GPRC6A: variants seen among roughly 807,000 people sequenced by gnomAD.
The protein encoded by GPRC6A is G protein-coupled receptor family C group 6 member A.
In GPRC6A, 54 loss-of-function variants were observed where a neutral mutation model predicts 47.0. That is an observed-to-expected ratio of 1.15 (90% CI 0.92 to 1.44). GPRC6A has a LOEUF of 1.44. GPRC6A is among the 40% of genes most tolerant of loss of function. The probability of loss-of-function intolerance (pLI) is 0.00; values close to 1 mark genes in which losing one functional copy is unlikely to be tolerated. For missense variants in GPRC6A, 1,112 were observed against 1,105.5 expected (o/e 1.01, Z -0.08); for synonymous variants, 347 against 377.1 (o/e 0.92, Z 0.93).
intron 5 of GPRC6A, among the ~76,000 whole-genome samples, chr6:116,793,778 C>G (rs1772393132): frequency 6.6e-6 from 1 of 152,148 alleles, no homozygotes; most frequent in Non-Finnish European, 1.5e-5. Flanking sequence ...TTCACACAGA[C>G]CATTACACAT....
At chr6:116,820,194 T>G (rs998078034) in intron 1 of GPRC6A, among the ~76,000 whole-genome samples, 11 of 151,910 alleles carry the variant, frequency 7.2e-5, no homozygotes, top group East Asian at 1.9e-4. Context: ...AATAACAGGA[T>G]CTGAAATTGT....
Position 116,800,759 on chromosome 6 carries a change from C to T in GPRC6A, c.1373G>A (p.Gly458Glu). Residue 458 changes from glycine (G) to glutamate (E), a missense_variant, in exon 4 of 6, where the codon GGA (glycine) becomes GAA (glutamate). Gly to Glu is a moderately conservative substitution (Grantham distance 98). Transcript: ENST00000310357. ...GVLKNVTFTDGWNSFHFDAHG... is the reference protein window; with the variant it reads ...GVLKNVTFTDEWNSFHFDAHG... ...AGCATCAAAATGAAATGAATTCCATCCATCAGTGAATGTCACATTTTTTAG... is the reference window on the plus strand; with the variant it reads ...AGCATCAAAATGAAATGAATTCCATTCATCAGTGAATGTCACATTTTTTAG... 1 of 1,610,394 alleles carries T rather than the reference C, an allele frequency of 6.2e-7. No homozygotes were observed. Among genetic ancestry groups the T allele is most frequent in the South Asian group, 1.1e-5 (1 of 91,032 alleles).
chr6:116,811,838 A>C (rs1324960611), intron 1 of GPRC6A, among the ~76,000 whole-genome samples: 1 of 152,156 alleles, frequency 6.6e-6, no homozygotes, highest in Admixed American at 6.5e-5. Flanking sequence ...AAGGAAAAAA[A>C]AAGAATTAAA....
In GPRC6A at chr6:116,798,898, A is replaced by G. The variant is rs534939228; in HGVS notation, c.1548+1686T>C. Reference sequence around the variant, plus strand: ...AATCCATCTTGGAAAAAAAAAAAAAAAAAGAAACAGACCAAAGGAATAAGA... The same window carrying G: ...AATCCATCTTGGAAAAAAAAAAAAAGAAAGAAACAGACCAAAGGAATAAGA... On this transcript the variant is annotated intron_variant, in intron 4 of 5. Transcript: ENST00000310357. Among the ~76,000 whole-genome samples, 6 of 152,182 alleles carry G rather than the reference A, an allele frequency of 3.9e-5. No homozygotes were observed. The East Asian group carries it at 1.2e-3, about 29-fold the overall frequency.
intron 1 of GPRC6A, among the ~76,000 whole-genome samples, chr6:116,819,757 G>A (rs952679562): frequency 1.3e-5 from 2 of 151,342 alleles, no homozygotes; most frequent in African/African-American, 4.9e-5. Flanking sequence ...GAGAAAGCAG[G>A]AAAGATCCAA....
At chr6:116,805,896 G>T (rs1294853349) in intron 3 of GPRC6A, among the ~76,000 whole-genome samples, 1 of 152,008 alleles carries the variant, frequency 6.6e-6, no homozygotes, top group Non-Finnish European at 1.5e-5. Context: ...AACTATAGGT[G>T]TTGGGATTAT....
chr6:116,825,035 C>T (rs1190215210), intron 1 of GPRC6A, among the ~76,000 whole-genome samples: 1 of 151,968 alleles, frequency 6.6e-6, no homozygotes, highest in Non-Finnish European at 1.5e-5. Context: ...TAAAATACAA[C>T]ACCTTTCATG....
At chr6:116,820,667 G>A (rs1562488080) in intron 1 of GPRC6A, among the ~76,000 whole-genome samples, 1 of 151,592 alleles carries the variant, frequency 6.6e-6, no homozygotes, top group Non-Finnish European at 1.5e-5. Context: ...AACCCTTCAT[G>A]CTAAAAACTC....
chr6:116,795,341 T>C (rs1235574987), intron 5 of GPRC6A, among the ~76,000 whole-genome samples: 3 of 152,174 alleles, frequency 2.0e-5, no homozygotes, highest in Admixed American at 6.6e-5. Flanking sequence ...ATTCAACATT[T>C]ACTTATTTGT....
intron 1 of GPRC6A, among the ~76,000 whole-genome samples, chr6:116,817,969 C>G (rs977777698): frequency 7.2e-5 from 11 of 151,892 alleles, no homozygotes; most frequent in African/African-American, 2.7e-4. Context: ...AGGATATTAT[C>G]CAGGAGAACT....
intron 1 of GPRC6A, among the ~76,000 whole-genome samples, chr6:116,820,498 A>G (rs1463332051): frequency 6.6e-6 from 1 of 151,420 alleles, no homozygotes; most frequent in Non-Finnish European, 1.5e-5. Context: ...CACATCAAAA[A>G]GCTTATCCAC....
Position 116,793,269 on chromosome 6 carries a change from G to A in GPRC6A, c.1673-19C>T, listed in dbSNP as rs373680266. The stretch of plus-strand genomic sequence containing the variant: ...GGCATATCTAAAAGACAGAGGAGAC[G>A]CAGTTACATTGTCAACATTTAAACT... On this transcript the variant is annotated intron_variant, in intron 5 of 5. Coordinates refer to ENST00000310357, the MANE Select transcript of GPRC6A (RefSeq NM_148963.4). 9.7e-5 allele frequency: 149 copies of A among 1,534,836 alleles called. No individual in the cohort carries two copies. Among genetic ancestry groups the A allele is most frequent in the South Asian group, 1.9e-4 (15 of 78,456 alleles).
Position 116,809,547 on chromosome 6 carries a change from GT to G in GPRC6A, c.264del (p.Leu89SerfsTer26). On this transcript the variant is annotated frameshift_variant, in exon 2 of 6. Coordinates refer to ENST00000310357, the MANE Select transcript of GPRC6A (RefSeq NM_148963.4). LOFTEE classifies it high-confidence loss of function. The part of the protein sequence containing the change: ...IHSIEMINNS[T>X]LLPGVKLGYE... ...TACCCCAGTTTGACTCCAGGTAAGA[GT>G]GTTGAATTGTTGATCATCTCAATGC... is the stretch of plus-strand genomic sequence containing the variant. 3.7e-6 allele frequency: 6 copies of G among 1,612,368 alleles called. No homozygotes were observed. The highest frequency in any genetic ancestry group is 5.1e-6 in the Non-Finnish European group (6 of 1,178,546).
rs767637362 is a variant in GPRC6A at position 116,792,179 on chromosome 6, G to C, written c.2744C>G (p.Ser915Cys). 28 of 1,613,710 alleles carry C rather than the reference G, an allele frequency of 1.7e-5. No homozygotes were observed. The highest frequency in any genetic ancestry group is 2.0e-5 in the Non-Finnish European group (24 of 1,179,816). ...CATTCTTTTTCGAGGCAAAGTTTTA[G>C]ATACACTTGTGGCATTTTCCCTGCA... The part of the protein sequence containing the change: ...HICRENATSV[S>C]KTLPRKRMSS... Residue 915 changes from serine (S) to cysteine (C), a missense_variant, in exon 6 of 6, where the codon TCT (serine) becomes TGT (cysteine). Physicochemically the swap from Ser to Cys is moderately radical, Grantham distance 112. Coordinates refer to ENST00000310357, the MANE Select transcript of GPRC6A (RefSeq NM_148963.4).
At position 116,829,052 on chromosome 6, in the gene GPRC6A, G is replaced by T; in HGVS notation, c.-39C>A. 1 of 1,574,450 alleles carries T rather than the reference G, an allele frequency of 6.4e-7. No individual in the cohort carries two copies. The highest frequency in any genetic ancestry group is 1.2e-5 in the South Asian group (1 of 84,016). ...TTGCTCAGTTCATGTGAGTTCTTAG[G>T]AATCATTAAGTGCACGGAGTGCCAG... On this transcript the variant is annotated 5_prime_UTR_variant, in exon 1 of 6. Coordinates refer to ENST00000310357, the MANE Select transcript of GPRC6A (RefSeq NM_148963.4).
At chr6:116,818,179 T>C (rs1196787057) in intron 1 of GPRC6A, among the ~76,000 whole-genome samples, 1 of 151,976 alleles carries the variant, frequency 6.6e-6, no homozygotes, top group Non-Finnish European at 1.5e-5. Context: ...TAACAGCGGA[T>C]CTCTCAGCAG....
intron 1 of GPRC6A, among the ~76,000 whole-genome samples, chr6:116,819,898 C>CA (rs373685109): frequency 2.7e-5 from 4 of 148,724 alleles, no homozygotes; most frequent in Non-Finnish European, 4.5e-5. Context: ...AAAAACCCTT[C>CA]AAAAAATTAA....
chr6:116,827,511 G>A (rs1422736662), intron 1 of GPRC6A, among the ~76,000 whole-genome samples: 1 of 151,976 alleles, frequency 6.6e-6, no homozygotes, highest in East Asian at 1.9e-4. Context: ...GGTAAGGTAG[G>A]CAATTAATAA....
chr6:116,808,093 A>G (rs1008083752), intron 2 of GPRC6A, among the ~76,000 whole-genome samples: 1 of 151,984 alleles, frequency 6.6e-6, no homozygotes, highest in Non-Finnish European at 1.5e-5. Context: ...CAACTCCAAT[A>G]AATTTGGGAA....
Sources: gnomAD v4.1 joint callset for allele counts (sites outside exome capture counted in the v4.1 genomes callset) on GRCh38, gnomAD v4.1.1 for gene constraint, MANE v1.5 for transcripts, NCBI Gene and HGNC (gene_info 2026-07-23, HGNC 2026-07-21) for gene names.